Variants in SLC44A5 observed in about 807,000 individuals in gnomAD.
The protein encoded by SLC44A5 is solute carrier family 44 member 5.
SLC44A5 carries 57 observed loss-of-function variants against 101.8 expected under a neutral mutation model. That is an observed-to-expected ratio of 0.56 (90% CI 0.45 to 0.70). The LOEUF (loss-of-function observed/expected upper bound fraction) is 0.70. SLC44A5 is among the 30% of genes least tolerant of loss of function. The pLI is 0.00. For synonymous variants in SLC44A5, 281 were observed against 290.9 expected, an observed-to-expected ratio of 0.97 and a Z score of 0.35; for missense variants, 737 against 853.1, an observed-to-expected ratio of 0.86 and a Z score of 1.70.
chr1:75,328,215 A>G (rs1436541731), intron 4 of SLC44A5, among the ~76,000 whole-genome samples: 1 of 152,246 alleles, frequency 6.6e-6, no homozygotes, highest in Non-Finnish European at 1.5e-5. Context: ...AAAAGAATGT[A>G]CACTTAAATA....
intron 6 of SLC44A5, among the ~76,000 whole-genome samples, chr1:75,261,088 G>A (rs1000587424): frequency 2.0e-5 from 3 of 152,034 alleles, no homozygotes; most frequent in African/African-American, 4.8e-5. Flanking sequence ...ATCTAAAATC[G>A]ACACTAACAT....
At chr1:75,346,399 C>T (rs1040539626) in intron 3 of SLC44A5, among the ~76,000 whole-genome samples, 1 of 151,956 alleles carries the variant, frequency 6.6e-6, no homozygotes, top group Non-Finnish European at 1.5e-5. Context: ...CAGTTATAAC[C>T]TTAGAAGTAA....
chr1:75,347,207 G>A (rs191069678), intron 3 of SLC44A5, among the ~76,000 whole-genome samples: 1 of 152,278 alleles, frequency 6.6e-6, no homozygotes, highest in East Asian at 1.9e-4. Flanking sequence ...TTGGTAGCTA[G>A]TGATAACATC....
chr1:75,307,999 A>C (rs921882720), intron 4 of SLC44A5, among the ~76,000 whole-genome samples: 2 of 152,230 alleles, frequency 1.3e-5, no homozygotes, highest in African/African-American at 4.8e-5. Flanking sequence ...CGCCCTAAAA[A>C]ATTTTAAAGA....
At chr1:75,310,501 G>A (rs557146854) in intron 4 of SLC44A5, among the ~76,000 whole-genome samples, 21 of 152,260 alleles carry the variant, frequency 1.4e-4, no homozygotes, top group Non-Finnish European at 2.8e-4. Flanking sequence ...CTACCTGGAA[G>A]GTGCTTTAAA....
chr1:75,424,102 T>A (rs1664166643), intron 2 of SLC44A5, among the ~76,000 whole-genome samples: 1 of 152,160 alleles, frequency 6.6e-6, no homozygotes, highest in African/African-American at 2.4e-5. Flanking sequence ...TTAAAGATTG[T>A]GGATAATTAA....
At chr1:75,441,023 T>A (rs1190460647) in intron 2 of SLC44A5, among the ~76,000 whole-genome samples, 2 of 152,002 alleles carry the variant, frequency 1.3e-5, no homozygotes, top group African/African-American at 4.8e-5. Flanking sequence ...GAATTAAAAT[T>A]CTGCAAAATA....
intron 2 of SLC44A5, among the ~76,000 whole-genome samples, chr1:75,436,938 G>C (rs904152274): frequency 2.0e-5 from 3 of 152,028 alleles, no homozygotes; most frequent in African/African-American, 7.2e-5. Flanking sequence ...CACGAGGTTA[G>C]GATCGTCAGT....
At chr1:75,538,091 G>A (rs1671153272) in intron 2 of SLC44A5, 1 of 152,216 alleles carries the variant, frequency 6.6e-6, no homozygotes, top group Non-Finnish European at 1.5e-5. Context: ...ATATTCCAGT[G>A]TTGATACCAA....
rs537803165 is a variant in SLC44A5 at position 75,269,159 on chromosome 1, T to C, written c.260+5799A>G. Among the ~76,000 whole-genome samples the C allele has an allele frequency of 3.9e-5, 6 of 152,272 alleles. No homozygotes were observed. The South Asian group carries it at 1.2e-3, about 32-fold the overall frequency. ...CTATAAGACAAAAATAATATTTTAA[T>C]TAATTTGCAATTCTTTTTTTAACTG... On this transcript the variant is annotated intron_variant, in intron 6 of 23. Coordinates refer to ENST00000370859, the MANE Select transcript of SLC44A5 (RefSeq NM_001130058.2).
intron 2 of SLC44A5, 69 bp downstream of exon 2, chr1:75,541,366 A>G: frequency 8.5e-7 from 1 of 1,172,716 alleles, no homozygotes. Context: ...CTTATTTAAT[A>G]TTAAATAAAA....
At chr1:75,534,858 A>G (rs902971202) in intron 2 of SLC44A5, among the ~76,000 whole-genome samples, 1 of 152,212 alleles carries the variant, frequency 6.6e-6, no homozygotes, top group African/African-American at 2.4e-5. Flanking sequence ...AGAGATAAAC[A>G]TCTACTTTAA....
intron 2 of SLC44A5, among the ~76,000 whole-genome samples, chr1:75,410,010 A>G (rs923210304): frequency 1.3e-5 from 2 of 152,098 alleles, no homozygotes; most frequent in Non-Finnish European, 2.9e-5. Context: ...CTACCTCTCA[A>G]TGCTCTCAAA....
At chr1:75,444,493 A>G (rs931835925) in intron 2 of SLC44A5, among the ~76,000 whole-genome samples, 56 of 151,642 alleles carry the variant, frequency 3.7e-4, no homozygotes, top group African/African-American at 1.3e-3. Flanking sequence ...GAAGAAAGAA[A>G]GAAAGAAAGA....
chr1:75,610,738 G>C (rs756694082), intron 1 of SLC44A5, among the ~76,000 whole-genome samples: 7 of 151,982 alleles, frequency 4.6e-5, no homozygotes, highest in Admixed American at 1.3e-4. Flanking sequence ...AATATTAAGA[G>C]AAGATACATA....
At chr1:75,517,283 A>G (rs1308987123) in intron 2 of SLC44A5, among the ~76,000 whole-genome samples, 2 of 152,150 alleles carry the variant, frequency 1.3e-5, no homozygotes, top group Non-Finnish European at 2.9e-5. Flanking sequence ...CTAAGGTGAA[A>G]CACATATTAA....
In SLC44A5 at chr1:75,543,628, CGT is replaced by C. The variant is rs564969552; in HGVS notation, c.-69-2114_-69-2113del. On this transcript the variant is annotated intron_variant, in intron 1 of 23. Transcript: ENST00000370859. ...ATATATACACACACACATATATATA[CGT>C]ATATATACACATATATATACACATA... is the stretch of plus-strand genomic sequence containing the variant. Among the ~76,000 whole-genome samples, 336 of 144,240 alleles carry C rather than the reference CGT, an allele frequency of 2.3e-3. 1 individual carries two copies. The highest frequency in any genetic ancestry group is 7.7e-3 in the African/African-American group (302 of 39,314). The allele number at this position is 144,240 out of a possible 152,430, so 94.6% of individuals were successfully genotyped here.
At chr1:75,576,737 T>C (rs1673391445) in intron 1 of SLC44A5, among the ~76,000 whole-genome samples, 1 of 152,234 alleles carries the variant, frequency 6.6e-6, no homozygotes, top group South Asian at 2.1e-4. Flanking sequence ...TACTCATTTC[T>C]GAAATCCTTA....
intron 18 of SLC44A5, among the ~76,000 whole-genome samples, chr1:75,217,129 T>C (rs1646977669): frequency 1.3e-5 from 2 of 152,096 alleles, no homozygotes; most frequent in South Asian, 4.1e-4. Context: ...TTTTTGTATG[T>C]TAATGTAAGA....
Sources: gnomAD v4.1 joint callset for allele counts (sites outside exome capture counted in the v4.1 genomes callset) on GRCh38, gnomAD v4.1.1 for gene constraint, MANE v1.5 for transcripts, NCBI Gene and HGNC (gene_info 2026-07-23, HGNC 2026-07-21) for gene names.